The following GPD1L variants were observed in gnomAD, a reference collection of about 807,000 sequenced individuals.
GPD1L encodes the protein glycerol-3-phosphate dehydrogenase 1 like, also known as glycerol-3-phosphate dehydrogenase 1-like protein.
In GPD1L, 17 loss-of-function variants were observed where a neutral mutation model predicts 32.9. The ratio of observed to expected loss-of-function variants is 0.52; its 90% CI spans 0.35 to 0.78. The LOEUF is 0.78. GPD1L is among the 30% of genes least tolerant of loss of function. GPD1L has a pLI of 0.01. For synonymous variants in GPD1L, 187 were observed against 165.9 expected (o/e 1.13, Z -0.98); for missense variants, 361 against 447.8 (o/e 0.81, Z 1.75).
intron 1 of GPD1L, among the ~76,000 whole-genome samples, chr3:32,117,144 A>G (rs1700343647): frequency 6.6e-6 from 1 of 152,222 alleles, no homozygotes; most frequent in Non-Finnish European, 1.5e-5. Flanking sequence ...ATCTATACAT[A>G]AAGAACATCT....
intron 1 of GPD1L, among the ~76,000 whole-genome samples, chr3:32,118,188 A>G (rs1361113483): frequency 6.6e-6 from 1 of 152,234 alleles, no homozygotes; most frequent in Non-Finnish European, 1.5e-5. Context: ...AAATATCTAA[A>G]TGGGAATGAT....
At chr3:32,151,453 T>TA (rs577634891) in intron 5 of GPD1L, 92 of 470,726 alleles carry the variant, frequency 2.0e-4, no homozygotes, top group African/African-American at 1.6e-3. Context: ...CATCTTTTTT[T>TA]AAAAAAAGGT....
chr3:32,141,857 G>T (rs571180507), intron 4 of GPD1L, among the ~76,000 whole-genome samples: 1 of 152,232 alleles, frequency 6.6e-6, no homozygotes, highest in South Asian at 2.1e-4. Flanking sequence ...TGGGTGTATT[G>T]CATGATGCTG....
At chr3:32,146,826 C>A in intron 5 of GPD1L, 92 bp downstream of exon 5, 1 of 798,736 alleles carries the variant, frequency 1.3e-6, no homozygotes, top group Non-Finnish European at 2.2e-6. Flanking sequence ...GTGTTCTGTG[C>A]ACCCACATCA....
In GPD1L at chr3:32,163,224, A is replaced by C. The variant is rs549479748; in HGVS notation, c.960-2590A>C. Reference sequence around the variant, plus strand: ...TGCTCTGTCGCCCAGGCTGGAGTGCAGTGGCACGATCTTGGCTCACTGCAA... The same window carrying C: ...TGCTCTGTCGCCCAGGCTGGAGTGCCGTGGCACGATCTTGGCTCACTGCAA... On this transcript the variant is annotated intron_variant, in intron 7 of 7. Transcript: ENST00000282541. 5.5e-5 allele frequency among the ~76,000 whole-genome samples: 7 copies of C among 127,254 alleles called. No individual in the cohort carries two copies. The South Asian group carries it at 1.0e-3, about 19-fold the overall frequency. 83.5% of individuals were successfully genotyped at this position (127,254 alleles called of 152,430 possible).
chr3:32,136,014 C>T (rs891501305), intron 2 of GPD1L, among the ~76,000 whole-genome samples: 1 of 152,152 alleles, frequency 6.6e-6, no homozygotes, highest in African/African-American at 2.4e-5. Context: ...TGGGGAGTGA[C>T]TCTAGGTTGT....
At chr3:32,121,720 T>G (rs1217871764) in intron 1 of GPD1L, among the ~76,000 whole-genome samples, 4 of 124,274 alleles carry the variant, frequency 3.2e-5, no homozygotes, top group African/African-American at 1.4e-4. Flanking sequence ...TCTACATATA[T>G]TTCTATATAT....
Position 32,166,556 on chromosome 3 carries a change from T to G in GPD1L, c.*646T>G, listed in dbSNP as rs1434918635. The G allele has an allele frequency of 6.5e-6, 1 of 153,944 alleles. No homozygotes were observed. Among genetic ancestry groups the G allele is most frequent in the Non-Finnish European group, 1.4e-5 (1 of 69,292 alleles). 9.5% of individuals were successfully genotyped at this position (153,944 alleles called of 1,614,324 possible). A position where few individuals can be genotyped will look rare whatever the true frequency, so the allele number is the denominator to read the frequency against. On this transcript the variant is annotated 3_prime_UTR_variant, in exon 8 of 8. Coordinates refer to ENST00000282541, the MANE Select transcript of GPD1L (RefSeq NM_015141.4). ...TGTCAGAATATGCCTTCGTCAAGGCTCAGAGGTAACAAGACAGAAAATTCA... is the reference window on the plus strand; with the variant it reads ...TGTCAGAATATGCCTTCGTCAAGGCGCAGAGGTAACAAGACAGAAAATTCA...
At chr3:32,156,419 A>G (rs549717960) in intron 5 of GPD1L, among the ~76,000 whole-genome samples, 16 of 152,314 alleles carry the variant, frequency 1.1e-4, no homozygotes, top group Non-Finnish European at 2.1e-4. Flanking sequence ...GTTGACTGCA[A>G]TGAGAGGCAT....
chr3:32,148,399 A>G (rs746386353), intron 5 of GPD1L, among the ~76,000 whole-genome samples: 1 of 152,142 alleles, frequency 6.6e-6, no homozygotes, highest in Non-Finnish European at 1.5e-5. Context: ...AGCTACCTTG[A>G]TGGAAAGGGA....
At position 32,158,862 on chromosome 3, in the gene GPD1L, C is replaced by T. The variant is rs775341363; in HGVS notation, c.619-14C>T. The stretch of plus-strand genomic sequence containing the variant: ...TGCTGTAACGGCATCTGGGCTTTGT[C>T]ATCTCCTTTGCAGAACATCGTAGCT... On this transcript the variant is annotated splice_polypyrimidine_tract_variant and intron_variant, in intron 5 of 7. Coordinates refer to ENST00000282541, the MANE Select transcript of GPD1L (RefSeq NM_015141.4). 1.3e-5 allele frequency: 21 copies of T among 1,612,938 alleles called. 1 individual carries two copies. In the South Asian group the frequency reaches 1.6e-4, roughly 13 times the overall value.
In GPD1L at chr3:32,159,036, T is replaced by A; in HGVS notation, c.779T>A (p.Val260Glu). 6.2e-7 allele frequency: 1 copy of A among 1,613,912 alleles called. No individual in the cohort carries two copies. The highest frequency in any genetic ancestry group is 8.5e-7 in the Non-Finnish European group (1 of 1,180,008). ...STATFLESCG[V>E]ADLITTCYGG... is the part of the protein sequence containing the mutation. ...GCCACCTTCCTAGAGAGCTGCGGGG[T>A]GGCCGACCTGATCACCACCTGTTAC... The change falls in exon 6 of 8, where the codon GTG becomes GAG. Residue 260 changes from valine (V) to glutamate (E), a missense_variant. Val to Glu is a moderately radical substitution (Grantham distance 121). Coordinates refer to ENST00000282541, the MANE Select transcript of GPD1L (RefSeq NM_015141.4).
At chr3:32,142,571 C>A (rs753077120) in intron 4 of GPD1L, among the ~76,000 whole-genome samples, 1 of 152,052 alleles carries the variant, frequency 6.6e-6, no homozygotes, top group Non-Finnish European at 1.5e-5. Flanking sequence ...TTTAATATAG[C>A]CTGTGAAATT....
chr3:32,164,901 T>A (rs1001011467), intron 7 of GPD1L, among the ~76,000 whole-genome samples: 1 of 57,666 alleles, frequency 1.7e-5, no homozygotes, highest in Admixed American at 1.4e-4. Flanking sequence ...TTGAGCTATG[T>A]GTGTGTGTGT....
intron 3 of GPD1L, among the ~76,000 whole-genome samples, chr3:32,138,983 C>T (rs567553737): frequency 3.3e-5 from 5 of 152,212 alleles, no homozygotes; most frequent in African/African-American, 9.6e-5. Context: ...AGTCCACTCT[C>T]GGGGCTCAGC....
intron 1 of GPD1L, among the ~76,000 whole-genome samples, chr3:32,117,491 T>C (rs41332945): frequency 0.089 from 13,570 of 151,860 alleles, 846 homozygotes; most frequent in East Asian, 0.25. Flanking sequence ...AGATTTTGCA[T>C]TGTTGAGACT....
intron 1 of GPD1L, among the ~76,000 whole-genome samples, chr3:32,119,216 A>G (rs1486946232): frequency 6.6e-6 from 1 of 152,230 alleles, no homozygotes; most frequent in Non-Finnish European, 1.5e-5. Flanking sequence ...TGGCTGCAGT[A>G]TTTTACAAAT....
intron 4 of GPD1L, among the ~76,000 whole-genome samples, chr3:32,142,815 T>C (rs557697965): frequency 6.0e-4 from 91 of 152,308 alleles, no homozygotes; most frequent in African/African-American, 2.0e-3. Context: ...ATAAGTTGCA[T>C]TTCTTTCCCT....
rs1448570881 is a variant in GPD1L, at chr3:32,166,441, CAA to C, written c.*532_*533del. 6.1e-6 allele frequency: 1 copy of C among 162,814 alleles called. No homozygotes were observed. The highest frequency in any genetic ancestry group is 2.4e-5 in the African/African-American group (1 of 41,486). The allele number at this position is 162,814 out of a possible 1,614,324, so 10.1% of individuals were successfully genotyped here. ...TGTGGGCTGACCTTTGTTTTTTTAA[CAA>C]TCAGGCATTTTTAATTAGATAATCC... On this transcript the variant is annotated 3_prime_UTR_variant, in exon 8 of 8. Transcript: ENST00000282541.
Sources: gnomAD v4.1 joint callset for allele counts (sites outside exome capture counted in the v4.1 genomes callset) on GRCh38, gnomAD v4.1.1 for gene constraint, MANE v1.5 for transcripts, NCBI Gene and HGNC (gene_info 2026-07-23, HGNC 2026-07-21) for gene names.